POU2F3: variants seen among roughly 807,000 people sequenced by gnomAD.
POU2F3 encodes POU domain, class 2, transcription factor 3.
POU2F3 carries 23 observed loss-of-function variants against 59.2 expected under a neutral mutation model. The ratio of observed to expected loss-of-function variants is 0.39; its 90% CI spans 0.28 to 0.55. The LOEUF (loss-of-function observed/expected upper bound fraction) is 0.55, where lower values mean the gene tolerates loss of function less well. POU2F3 is among the 20% of genes least tolerant of loss of function. The pLI, the probability that POU2F3 is intolerant of heterozygous loss-of-function variation, is 0.66. For missense variants in POU2F3, 473 were observed against 544.5 expected (o/e 0.87, Z 1.31); for synonymous variants, 190 against 214.6 (o/e 0.89, Z 1.00).
At chr11:120,301,117 A>G in intron 5 of POU2F3, 1 of 452,464 alleles carries the variant, frequency 2.2e-6, no homozygotes. Flanking sequence ...TGGTGGAAAG[A>G]CACTTCCAAA....
chr11:120,251,752 T>C (rs536115443), intron 2 of POU2F3, among the ~76,000 whole-genome samples: 15 of 151,930 alleles, frequency 9.9e-5, no homozygotes, highest in Non-Finnish European at 1.8e-4. Context: ...GTCTATTTTA[T>C]ATCTCTAAGA....
chr11:120,302,299 TCTC>T lies in POU2F3; in HGVS notation c.380_382del (p.Leu127del). ...CCTTTCACCCAGGTCTGCAGCCAAA[TCTC>T]CTCCCCTTTCCACAGCAACAAAGCG... is the stretch of plus-strand genomic sequence containing the variant. On this transcript the variant is annotated inframe_deletion, in exon 6 of 13. Transcript: ENST00000543440. The T allele has an allele frequency of 6.2e-7, 1 of 1,611,334 alleles. No individual in the cohort carries two copies. Among genetic ancestry groups the T allele is most frequent in the Non-Finnish European group, 8.5e-7 (1 of 1,177,694 alleles).
At chr11:120,266,887 T>C (rs924616639) in intron 2 of POU2F3, among the ~76,000 whole-genome samples, 13 of 152,246 alleles carry the variant, frequency 8.5e-5, no homozygotes, top group African/African-American at 3.1e-4. Flanking sequence ...TTCTCCAATA[T>C]TGTATCCCCA....
At chr11:120,277,332 G>C (rs1458830954) in intron 3 of POU2F3, among the ~76,000 whole-genome samples, 1 of 151,926 alleles carries the variant, frequency 6.6e-6, no homozygotes, top group Non-Finnish European at 1.5e-5. Flanking sequence ...CACCCTCCTA[G>C]TCAACAGGCA....
At chr11:120,278,888 T>G (rs1940446870) in intron 3 of POU2F3, among the ~76,000 whole-genome samples, 1 of 152,190 alleles carries the variant, frequency 6.6e-6, no homozygotes, top group East Asian at 1.9e-4. Flanking sequence ...ATTCTGCACA[T>G]GTATCCCAGA....
At chr11:120,299,598 G>C in intron 4 of POU2F3, 26 bp from the exon 5 acceptor site, 1 of 1,600,546 alleles carries the variant, frequency 6.2e-7, no homozygotes, top group Non-Finnish European at 8.5e-7. Flanking sequence ...AAATTCTGTG[G>C]TGTATGTGTA....
chr11:120,306,864 C>G (rs1348057966), intron 8 of POU2F3, among the ~76,000 whole-genome samples: 3 of 152,136 alleles, frequency 2.0e-5, no homozygotes, highest in Admixed American at 1.3e-4. Context: ...CGAAATGATC[C>G]GAAGGTCTTC....
intron 8 of POU2F3, among the ~76,000 whole-genome samples, chr11:120,307,267 G>A (rs1274452864): frequency 6.6e-6 from 1 of 152,212 alleles, no homozygotes; most frequent in Non-Finnish European, 1.5e-5. Flanking sequence ...AGGCCATGGA[G>A]GACAATGGAG....
chr11:120,260,312 ACCCTC>A (rs1939539937), intron 2 of POU2F3, among the ~76,000 whole-genome samples: 2 of 151,906 alleles, frequency 1.3e-5, no homozygotes, highest in African/African-American at 4.8e-5. Flanking sequence ...GGAAAGCAGG[ACCCTC>A]CTAGGGGCCC....
intron 2 of POU2F3, among the ~76,000 whole-genome samples, chr11:120,258,357 A>T (rs903633576): frequency 4.0e-5 from 6 of 151,808 alleles, no homozygotes; most frequent in African/African-American, 4.8e-5. Flanking sequence ...TGTTTAAAGA[A>T]CTCCATGGGC....
At position 120,319,772 on chromosome 11, in the gene POU2F3, G is replaced by C. The variant is rs1045557609; in HGVS notation, c.*1380G>C. The stretch of plus-strand genomic sequence containing the variant: ...GCTGGGAATCTTTGTTGACTTCTTT[G>C]GGAACATTATCTCTAGAGTCTGCTT... On this transcript the variant is annotated 3_prime_UTR_variant, in exon 13 of 13. Transcript: ENST00000543440. 3.9e-5 allele frequency: 6 copies of C among 152,184 alleles called. No individual in the cohort carries two copies. Among genetic ancestry groups the C allele is most frequent in the African/African-American group, 1.5e-4 (6 of 41,282 alleles). The allele number at this position is 152,184 out of a possible 1,614,324, so 9.4% of individuals were successfully genotyped here.
At chr11:120,290,013 G>T (rs1940964465) in intron 3 of POU2F3, among the ~76,000 whole-genome samples, 1 of 152,188 alleles carries the variant, frequency 6.6e-6, no homozygotes, top group South Asian at 2.1e-4. Flanking sequence ...AACTGAAATG[G>T]AAGGGGAACC....
upstream of POU2F3, chr11:120,236,810 A>C: frequency 7.8e-6 from 9 of 1,161,008 alleles, no homozygotes; most frequent in African/African-American, 1.5e-5. Context: ...TTCCCCCTCA[A>C]CCCTATACAC....
At chr11:120,242,188 T>G (rs1335370704) in intron 1 of POU2F3, among the ~76,000 whole-genome samples, 1 of 152,216 alleles carries the variant, frequency 6.6e-6, no homozygotes, top group Non-Finnish European at 1.5e-5. Flanking sequence ...CCCTCTGTAG[T>G]GTCTGAGGGT....
Position 120,309,435 on chromosome 11 carries a change from C to T in POU2F3, c.917C>T (p.Pro306Leu), listed in dbSNP as rs781646703. The T allele has an allele frequency of 5.0e-6, 8 of 1,613,786 alleles. No homozygotes were observed. The South Asian group carries it at 8.8e-5, about 18-fold the overall frequency. ...LEKRFQDNPK[P>L]SSEEISMIAE... ...TTTCGGTGCCTATAGAACCCAAAAC[C>T]CAGCTCGGAGGAGATCTCCATGATT... The change falls in exon 10 of 13, where the codon CCC (proline) becomes CTC (leucine). Residue 306 changes from proline to leucine, a missense_variant. Transcript: ENST00000543440.
intron 11 of POU2F3, among the ~76,000 whole-genome samples, chr11:120,316,618 G>A (rs537805994): frequency 1.3e-5 from 2 of 152,284 alleles, no homozygotes; most frequent in South Asian, 2.1e-4. Context: ...CAGAGACTGG[G>A]TTTCGCCATG....
intron 6 of POU2F3, 38 bp from the exon 7 acceptor site, chr11:120,304,992 A>G (rs1591438040): frequency 2.0e-6 from 2 of 1,017,590 alleles, no homozygotes; most frequent in Non-Finnish European, 2.9e-6. Flanking sequence ...TTATTTATTG[A>G]TCTTCGTGGT....
At chr11:120,274,756 C>A (rs1447840127) in intron 3 of POU2F3, among the ~76,000 whole-genome samples, 1 of 152,064 alleles carries the variant, frequency 6.6e-6, no homozygotes, top group Non-Finnish European at 1.5e-5. Context: ...ATGGGATTAC[C>A]TGGGGAGGAT....
chr11:120,275,555 C>T lies in POU2F3; in HGVS notation c.132+6311C>T, dbSNP rs148720156. Among the ~76,000 whole-genome samples the T allele has an allele frequency of 2.8e-3, 428 of 152,300 alleles. 1 individual carries two copies. The highest frequency in any genetic ancestry group is 9.8e-3 in the African/African-American group (409 of 41,578). On this transcript the variant is annotated intron_variant, in intron 3 of 12. Transcript: ENST00000543440. ...TTCTGGAACCCTCATCTTCCAGGGCCATGGATTTCCACCAGGCAGATCAGG... is the reference window on the plus strand; with the variant it reads ...TTCTGGAACCCTCATCTTCCAGGGCTATGGATTTCCACCAGGCAGATCAGG...
Sources: gnomAD v4.1 joint callset for allele counts (sites outside exome capture counted in the v4.1 genomes callset) on GRCh38, gnomAD v4.1.1 for gene constraint, MANE v1.5 for transcripts, NCBI Gene and HGNC (gene_info 2026-07-23, HGNC 2026-07-21) for gene names.